MORC1: variants seen among roughly 807,000 people sequenced by gnomAD.
The protein encoded by MORC1 is MORC family CW-type zinc finger protein 1.
Under a neutral mutation model 134.9 loss-of-function variants are expected in MORC1, and 59 were observed. The ratio of observed to expected loss-of-function variants is 0.44; its 90% confidence interval spans 0.35 to 0.54. The LOEUF is 0.54. MORC1 is among the 20% of genes least tolerant of loss of function. MORC1 has a pLI of 0.00. For missense variants in MORC1, 947 were observed against 1,134.5 expected (o/e 0.83, Z 2.37); for synonymous variants, 395 against 391.7 (o/e 1.01, Z -0.10).
rs768304254 is a variant in MORC1, at chr3:109,054,861, T to C, written c.1197A>G (p.Gly399=). The C allele has an allele frequency of 6.2e-7, 1 of 1,602,130 alleles. No individual in the cohort carries two copies. The highest frequency in any genetic ancestry group is 1.8e-5 in the Admixed American group (1 of 55,814). ...TGACCTCCAAGGGTATATTAACAATTCCAACCACGCCTGCGCCAAGTCTGA... is the reference window on the plus strand; with the variant it reads ...TGACCTCCAAGGGTATATTAACAATCCCAACCACGCCTGCGCCAAGTCTGA... ...LKSLLGAGVV[G]IVNIPLEVME... is the part of the protein sequence containing the mutation. The change falls in exon 14 of 28, where the codon GGA becomes GGG. Residue 399 remains glycine, a synonymous_variant. Transcript: ENST00000232603.
chr3:109,017,738 C>T (rs1310610220), intron 17 of MORC1, among the ~76,000 whole-genome samples: 1 of 152,096 alleles, frequency 6.6e-6, no homozygotes, highest in Non-Finnish European at 1.5e-5. Flanking sequence ...TAGCTGTTTA[C>T]CAATGATAGC....
In MORC1 at chr3:109,005,119, C is replaced by G. The variant is rs1313003333; in HGVS notation, c.1964G>C (p.Arg655Thr). ...MEEKMNSQQQRIPVALPENVK... is the reference protein window; with the variant it reads ...MEEKMNSQQQTIPVALPENVK... The stretch of plus-strand genomic sequence containing the variant: ...ATTTTCTGGCAGAGCTACTGGAATT[C>G]TCTGCTGTTGAGAGTTCATTTTCTC... Residue 655 changes from arginine (R) to threonine (T), a missense_variant, in exon 19 of 28, where the codon AGA (arginine) becomes ACA (threonine). This residue lies in a region of MORC1 where 722 missense variants were observed against 817.0 expected (regional missense o/e 0.88). Transcript: ENST00000232603. 9 of 1,613,368 alleles carry G rather than the reference C, an allele frequency of 5.6e-6. No homozygotes were observed. In the African/African-American group the frequency reaches 1.1e-4, roughly 19 times the overall value.
intron 26 of MORC1, among the ~76,000 whole-genome samples, chr3:108,966,394 C>G (rs1947221413): frequency 6.6e-6 from 1 of 152,110 alleles, no homozygotes; most frequent in Non-Finnish European, 1.5e-5. Flanking sequence ...ACCATACAAA[C>G]AGGAATATTC....
intron 17 of MORC1, among the ~76,000 whole-genome samples, chr3:109,020,445 TA>T (rs1948928826): frequency 6.6e-6 from 1 of 152,074 alleles, no homozygotes; most frequent in Admixed American, 6.5e-5. Context: ...GTGGAGAGGT[TA>T]AATCACATGT....
At chr3:109,025,389 T>C (rs1223212587) in intron 17 of MORC1, among the ~76,000 whole-genome samples, 4 of 135,134 alleles carry the variant, frequency 3.0e-5, no homozygotes, top group Admixed American at 7.3e-5. Flanking sequence ...CTTTTTTTTT[T>C]TTTTTTTTTT....
Position 109,057,359 on chromosome 3 carries a change from A to G in MORC1, c.1159T>C (p.Leu387=), listed in dbSNP as rs1460223718. The G allele has an allele frequency of 6.2e-7, 1 of 1,610,340 alleles. No individual in the cohort carries two copies. The highest frequency in any genetic ancestry group is 8.5e-7 in the Non-Finnish European group (1 of 1,178,520). ...CATACTCACAAGGACTTCAGTTTCA[A>G]CTGTGAGCCCACTTTTTCATGCATT... is the stretch of plus-strand genomic sequence containing the variant. ...IKMHEKVGSQ[L]KLKSLLGAGV... The change falls in exon 13 of 28, where the codon TTG becomes CTG. Residue 387 remains leucine (L), a synonymous_variant. Coordinates refer to ENST00000232603, the MANE Select transcript of MORC1 (RefSeq NM_014429.4).
chr3:109,009,197 G>GTTTTT lies in MORC1; in HGVS notation c.1705-2111_1705-2107dup, dbSNP rs201228015. 1.3e-4 allele frequency among the ~76,000 whole-genome samples: 17 copies of GTTTTT among 133,844 alleles called. 1 individual carries two copies. Among genetic ancestry groups the GTTTTT allele is most frequent in the Non-Finnish European group, 1.5e-4 (9 of 61,504 alleles). The allele number at this position is 133,844 out of a possible 152,430, so 87.8% of individuals were successfully genotyped here. On this transcript the variant is annotated intron_variant, in intron 17 of 27. Coordinates refer to ENST00000232603, the MANE Select transcript of MORC1 (RefSeq NM_014429.4). ...TTCCTGAGTTCTTTCCTATTTTTAC[G>GTTTTT]TTTTTTGTTGTTTTTTTTTTTTTTT...
At chr3:109,077,903 G>T (rs372059921) in intron 8 of MORC1, among the ~76,000 whole-genome samples, 1 of 151,994 alleles carries the variant, frequency 6.6e-6, no homozygotes, top group Non-Finnish European at 1.5e-5. Context: ...GAAAGAAAGT[G>T]GTGGCAAAAT....
chr3:109,095,189 A>G, intron 6 of MORC1, 121 bp from the exon 7 acceptor site: 7 of 888,200 alleles, frequency 7.9e-6, no homozygotes, highest in Non-Finnish European at 1.2e-5. Context: ...TTAAAAGTTC[A>G]TTTTCCTCCT....
rs1951147976 is a variant in MORC1 at position 109,110,794 on chromosome 3, T to C, written c.120-11A>G. 1.3e-6 allele frequency: 2 copies of C among 1,579,796 alleles called. No homozygotes were observed. The highest frequency in any genetic ancestry group is 2.3e-5 in the East Asian group (1 of 44,008). On this transcript the variant is annotated splice_polypyrimidine_tract_variant and intron_variant, in intron 2 of 27. Coordinates refer to ENST00000232603, the MANE Select transcript of MORC1 (RefSeq NM_014429.4). ...TCAGCCCCTGCATCTCTGGAAACAA[T>C]ACAAAAATATTATTTCTTCAATATG...
intron 8 of MORC1, among the ~76,000 whole-genome samples, chr3:109,092,408 C>A (rs1950748519): frequency 6.6e-6 from 1 of 152,006 alleles, no homozygotes; most frequent in Non-Finnish European, 1.5e-5. Context: ...TTGGGAAAAG[C>A]AAAAGAAGTT....
Position 109,048,589 on chromosome 3 carries a change from G to A in MORC1, c.1330+6139C>T, listed in dbSNP as rs116388860. ...CGTGAAAAAATACCACAGACTGGGCGGCCTAAACAACAGAAGTTTATTTAT... is the reference window on the plus strand; with the variant it reads ...CGTGAAAAAATACCACAGACTGGGCAGCCTAAACAACAGAAGTTTATTTAT... On this transcript the variant is annotated intron_variant, in intron 14 of 27. Coordinates refer to ENST00000232603, the MANE Select transcript of MORC1 (RefSeq NM_014429.4). 5.2e-3 allele frequency among the ~76,000 whole-genome samples: 784 copies of A among 152,148 alleles called. 18 individuals carry two copies. Among genetic ancestry groups the A allele is most frequent in the African/African-American group, 0.018 (749 of 41,498 alleles).
chr3:109,052,091 A>C (rs535363306), intron 14 of MORC1, among the ~76,000 whole-genome samples: 1 of 152,212 alleles, frequency 6.6e-6, no homozygotes, highest in Non-Finnish European at 1.5e-5. Flanking sequence ...TCAAATGCTT[A>C]ATGTTTTCCT....
chr3:109,105,262 T>C (rs1026197188), intron 3 of MORC1, among the ~76,000 whole-genome samples: 1 of 151,946 alleles, frequency 6.6e-6, no homozygotes, highest in Non-Finnish European at 1.5e-5. Flanking sequence ...CGGTGGCTCA[T>C]GCCTGTAATC....
intron 9 of MORC1, among the ~76,000 whole-genome samples, chr3:109,064,363 T>C (rs533237722): frequency 4.6e-5 from 7 of 152,230 alleles, no homozygotes; most frequent in Non-Finnish European, 8.8e-5. Flanking sequence ...ATAGAACCCT[T>C]CTCCATCAAG....
chr3:109,078,285 C>T (rs1191810299), intron 8 of MORC1, among the ~76,000 whole-genome samples: 1 of 151,970 alleles, frequency 6.6e-6, no homozygotes, highest in African/African-American at 2.4e-5. Context: ...ATGTTTAAGA[C>T]ATAAGCCCAT....
At chr3:109,110,850 T>C (rs1951150383) in intron 2 of MORC1, 67 bp from the exon 3 acceptor site, 2 of 1,177,496 alleles carry the variant, frequency 1.7e-6, no homozygotes, top group African/African-American at 1.6e-5. Flanking sequence ...GTATAACCTA[T>C]TGTCAGATAT....
At position 109,040,353 on chromosome 3, in the gene MORC1, T is replaced by TGAAAGAAAGAAAGAAAGAAA. The variant is rs35886667; in HGVS notation, c.1331-4905_1331-4886dup. 1.7e-3 allele frequency among the ~76,000 whole-genome samples: 47 copies of TGAAAGAAAGAAAGAAAGAAA among 28,212 alleles called. 1 individual carries two copies. The highest frequency in any genetic ancestry group is 6.9e-3 in the East Asian group (2 of 290). The allele number at this position is 28,212 out of a possible 152,430, so 18.5% of individuals were successfully genotyped here. Reference sequence around the variant, plus strand: ...ACTGTCTCAAAGACACTCAAAGAACTGAAAGAAAGAAAGAAAGAAAGAAAG... The same window carrying TGAAAGAAAGAAAGAAAGAAA: ...ACTGTCTCAAAGACACTCAAAGAACTGAAAGAAAGAAAGAAAGAAAGAAAGAAAGAAAGAAAGAAAGAAAG... On this transcript the variant is annotated intron_variant, in intron 14 of 27. Coordinates refer to ENST00000232603, the MANE Select transcript of MORC1 (RefSeq NM_014429.4).
At chr3:109,018,378 T>C (rs1948867762) in intron 17 of MORC1, among the ~76,000 whole-genome samples, 1 of 152,092 alleles carries the variant, frequency 6.6e-6, no homozygotes, top group East Asian at 1.9e-4. Context: ...TTTACCTCCC[T>C]GGAAATATGT....
Sources: gnomAD v4.1 joint callset for allele counts (sites outside exome capture counted in the v4.1 genomes callset) on GRCh38, gnomAD v4.1.1 for gene constraint, gnomAD v4.1.1 regional missense constraint, MANE v1.5 for transcripts, NCBI Gene and HGNC (gene_info 2026-07-23, HGNC 2026-07-21) for gene names.